CDKAL1: variants seen among roughly 807,000 people sequenced by gnomAD.
The protein encoded by CDKAL1 is CDKAL1 threonylcarbamoyladenosine tRNA methylthiotransferase.
A neutral mutation model predicts 68.2 loss-of-function variants in CDKAL1; 32 were observed. The observed-to-expected ratio is 0.47, with a 90% CI of 0.35 to 0.63. CDKAL1 has a LOEUF of 0.63. Ranked by LOEUF, CDKAL1 falls within the 30% of genes least tolerant of loss-of-function variation. The pLI is 0.00. For synonymous variants in CDKAL1, 234 were observed against 244.3 expected (o/e 0.96, Z 0.39); for missense variants, 606 against 696.7 (o/e 0.87, Z 1.47).
chr6:20,792,018 TTTAA>T (rs1775918451), intron 8 of CDKAL1, among the ~76,000 whole-genome samples: 1 of 152,122 alleles, frequency 6.6e-6, no homozygotes, highest in South Asian at 2.1e-4. Context: ...GTAGCCCAAC[TTTAA>T]TTAAGTATAA....
intron 11 of CDKAL1, among the ~76,000 whole-genome samples, chr6:21,039,197 T>C (rs1444880859): frequency 6.6e-6 from 1 of 152,176 alleles, no homozygotes; most frequent in African/African-American, 2.4e-5. Flanking sequence ...CGAACCCTAT[T>C]GTGAACTGCG....
chr6:20,754,085 T>A (rs954263473), intron 6 of CDKAL1, among the ~76,000 whole-genome samples: 2 of 152,122 alleles, frequency 1.3e-5, no homozygotes, highest in Non-Finnish European at 2.9e-5. Flanking sequence ...GCTCAAGCGG[T>A]CTTTCCCCCT....
At chr6:20,934,205 G>T (rs1031760797) in intron 9 of CDKAL1, among the ~76,000 whole-genome samples, 1 of 152,140 alleles carries the variant, frequency 6.6e-6, no homozygotes, top group African/African-American at 2.4e-5. Flanking sequence ...TCTAGAATCA[G>T]GGGACTAGAG....
intron 7 of CDKAL1, among the ~76,000 whole-genome samples, chr6:20,774,692 T>C (rs1186678758): frequency 6.6e-6 from 1 of 152,258 alleles, no homozygotes; most frequent in African/African-American, 2.4e-5. Context: ...TTCAGTATTA[T>C]GAATTCAGAA....
At chr6:20,955,690 A>ATTT in intron 10 of CDKAL1, 105 bp downstream of exon 10, 3 of 823,478 alleles carry the variant, frequency 3.6e-6, no homozygotes, top group South Asian at 2.6e-5. Context: ...ACTCCTTCAC[A>ATTT]TTTTTTTTTT....
At chr6:21,064,145 A>G (rs927704073) in intron 11 of CDKAL1, among the ~76,000 whole-genome samples, 1 of 152,242 alleles carries the variant, frequency 6.6e-6, no homozygotes, top group African/African-American at 2.4e-5. Flanking sequence ...AGTGCTACAC[A>G]CAACCAAATG....
At chr6:20,547,617 G>A (rs993617468) in intron 3 of CDKAL1, among the ~76,000 whole-genome samples, 6 of 152,108 alleles carry the variant, frequency 3.9e-5, no homozygotes, top group Non-Finnish European at 8.8e-5. Context: ...TGCTTATTTT[G>A]TTGGGAAACT....
intron 11 of CDKAL1, among the ~76,000 whole-genome samples, chr6:21,054,963 T>C (rs187597733): frequency 1.3e-5 from 2 of 152,278 alleles, no homozygotes; most frequent in African/African-American, 4.8e-5. Flanking sequence ...CTTGCTTTTT[T>C]GGACTGACTA....
intron 13 of CDKAL1, among the ~76,000 whole-genome samples, chr6:21,115,475 A>T (rs372551982): frequency 6.6e-5 from 10 of 152,264 alleles, no homozygotes; most frequent in African/African-American, 2.4e-4. Flanking sequence ...TTCATGGCAC[A>T]TGCAGATAAA....
chr6:20,746,211 C>G (rs77925873), intron 6 of CDKAL1, among the ~76,000 whole-genome samples: 2,336 of 152,260 alleles, frequency 0.015, 62 homozygotes, highest in African/African-American at 0.053. Context: ...ATTTTTATCT[C>G]TAACTCAGTA....
intron 10 of CDKAL1, among the ~76,000 whole-genome samples, chr6:20,973,613 T>C (rs1223642062): frequency 2.0e-5 from 3 of 152,066 alleles, no homozygotes; most frequent in Non-Finnish European, 4.4e-5. Flanking sequence ...CATCTTTTGT[T>C]TGTTTGTTTG....
intron 10 of CDKAL1, among the ~76,000 whole-genome samples, chr6:20,956,483 AT>A (rs1764782685): frequency 6.6e-6 from 1 of 152,248 alleles, no homozygotes; most frequent in South Asian, 2.1e-4. Flanking sequence ...ACCCATAGTT[AT>A]GGAAATAAAA....
chr6:21,051,613 G>T (rs1178144880), intron 11 of CDKAL1, among the ~76,000 whole-genome samples: 1 of 152,140 alleles, frequency 6.6e-6, no homozygotes, highest in African/African-American at 2.4e-5. Flanking sequence ...AACTGGATTA[G>T]AATCTATCTT....
rs1026830530 is a variant in CDKAL1, at chr6:21,112,800, T to G, written c.1299+4337T>G. On this transcript the variant is annotated intron_variant, in intron 13 of 15. Transcript: ENST00000274695. Reference sequence around the variant, plus strand: ...CATCTTTTGTGCAGCAATCCCACCTTTTTAAAACAGCTCAGAACCTCTAAA... The same window carrying G: ...CATCTTTTGTGCAGCAATCCCACCTGTTTAAAACAGCTCAGAACCTCTAAA... Among the ~76,000 whole-genome samples the G allele has an allele frequency of 2.6e-5, 4 of 152,178 alleles. 1 individual carries two copies. The highest frequency in any genetic ancestry group is 9.7e-5 in the African/African-American group (4 of 41,434).
intron 9 of CDKAL1, among the ~76,000 whole-genome samples, chr6:20,895,117 T>C (rs1448208609): frequency 6.6e-6 from 1 of 152,220 alleles, no homozygotes; most frequent in African/African-American, 2.4e-5. Flanking sequence ...ATAATGGTTT[T>C]ATACTCTCAA....
At chr6:20,960,207 C>T (rs1245076186) in intron 10 of CDKAL1, among the ~76,000 whole-genome samples, 1 of 152,144 alleles carries the variant, frequency 6.6e-6, no homozygotes, top group Non-Finnish European at 1.5e-5. Context: ...TAGCGCTCTA[C>T]AGCCTTGAAC....
intron 5 of CDKAL1, among the ~76,000 whole-genome samples, chr6:20,726,236 T>C (rs1390756335): frequency 6.6e-6 from 1 of 152,090 alleles, no homozygotes; most frequent in African/African-American, 2.4e-5. Flanking sequence ...TCTTAGATAA[T>C]AACTCTTTTG....
intron 13 of CDKAL1, among the ~76,000 whole-genome samples, chr6:21,172,020 G>A (rs1400055678): frequency 4.6e-5 from 7 of 152,134 alleles, no homozygotes; most frequent in Non-Finnish European, 8.8e-5. Context: ...CATGGAAACC[G>A]TGAACCTTCC....
chr6:20,611,054 A>G (rs1265178860), intron 4 of CDKAL1, among the ~76,000 whole-genome samples: 2 of 152,186 alleles, frequency 1.3e-5, no homozygotes, highest in Admixed American at 1.3e-4. Flanking sequence ...ATTTATTCTA[A>G]TAGTTAAGAA....
Sources: gnomAD v4.1 joint callset for allele counts (sites outside exome capture counted in the v4.1 genomes callset) on GRCh38, gnomAD v4.1.1 for gene constraint, MANE v1.5 for transcripts, NCBI Gene and HGNC (gene_info 2026-07-23, HGNC 2026-07-21) for gene names.